Variants in CD320 observed in about 807,000 individuals in gnomAD.
CD320 encodes CD320 antigen.
Under a neutral mutation model 22.1 loss-of-function variants are expected in CD320, and 16 were observed. That is an observed-to-expected ratio of 0.73 (90% CI 0.49 to 1.10). CD320 has a LOEUF of 1.10. CD320 is among the 50% of genes least tolerant of loss of function. The pLI, the probability that CD320 is intolerant of heterozygous loss-of-function variation, is 0.00. For synonymous variants in CD320, 188 were observed against 167.8 expected (o/e 1.12, Z -0.93); for missense variants, 388 against 376.9 (o/e 1.03, Z -0.24).
intron 1 of CD320, 165 bp from the exon 2 acceptor site, chr19:8,305,321 G>C (rs895976811): frequency 1.3e-6 from 1 of 769,876 alleles, no homozygotes. Context: ...GTGGGGTTCA[G>C]AGTGTAGCAG....
chr19:8,302,839 G>A lies in CD320; in HGVS notation c.644C>T (p.Thr215Ile). 2 of 1,614,130 alleles carry A rather than the reference G, an allele frequency of 1.2e-6. No homozygotes were observed. The highest frequency in any genetic ancestry group is 8.5e-7 in the Non-Finnish European group (1 of 1,179,980). ...AGACTGGTCTCCGGCAGAGGAGGATGTGGCATTCCCGACAGAGGGGACACT... is the reference window on the plus strand; with the variant it reads ...AGACTGGTCTCCGGCAGAGGAGGATATGGCATTCCCGACAGAGGGGACACT... ...LESVPSVGNA[T>I]SSSAGDQSGS... is the part of the protein sequence containing the mutation. Residue 215 changes from threonine (T) to isoleucine (I), a missense_variant, in exon 4 of 5, where the codon ACA (threonine) becomes ATA (isoleucine). Thr to Ile is a moderately conservative substitution (Grantham distance 89). Transcript: ENST00000301458.
At position 8,308,268 on chromosome 19, in the gene CD320, T is replaced by C. The variant is rs2232775; in HGVS notation, c.23A>G (p.Gln8Arg). MSGGWMAQVGAWRTGALG... is the reference protein window; with the variant it reads MSGGWMARVGAWRTGALG... ...AGCCCCTGTTCGCCACGCTCCAACC[T>C]GCGCCATCCAACCGCCGCTCATGCT... The change falls in exon 1 of 5, where the codon CAG (glutamine) becomes CGG (arginine). Residue 8 changes from glutamine to arginine, a missense_variant. By Grantham distance (43) the Gln-to-Arg change is conservative. Transcript: ENST00000301458. 103,741 of 1,582,434 alleles carry C rather than the reference T, an allele frequency of 0.066. 9,897 individuals are homozygous for C. The highest frequency in any genetic ancestry group is 0.42 in the African/African-American group (31,513 of 74,314).
rs1970130743 is a variant in CD320 at position 8,308,356 on chromosome 19, C to G, written c.-66G>C. On this transcript the variant is annotated 5_prime_UTR_variant, in exon 1 of 5. Coordinates refer to ENST00000301458, the MANE Select transcript of CD320 (RefSeq NM_016579.4). ...GCTCTCTTATCCCTGCGCACGCGCA[C>G]GCGCGGGGTTGGGGCGGGGCCCAAG... 4.5e-6 allele frequency: 7 copies of G among 1,543,980 alleles called. No individual in the cohort carries two copies. Among genetic ancestry groups the G allele is most frequent in the Non-Finnish European group, 6.1e-6 (7 of 1,150,506 alleles).
At chr19:8,304,768 G>A (rs151099741) in intron 2 of CD320, 3 of 464,450 alleles carry the variant, frequency 6.5e-6, no homozygotes, top group East Asian at 8.6e-5. Flanking sequence ...CACAATCCTA[G>A]CTCACTGCAG....
rs1352472381 is a variant in CD320, at chr19:8,303,437, CAG to C, written c.502+416_502+417del. Among the ~76,000 whole-genome samples the C allele has an allele frequency of 2.0e-5, 3 of 150,304 alleles. No individual in the cohort carries two copies. In the East Asian group the frequency reaches 5.9e-4, roughly 29 times the overall value. ...CGGCCTTTTTTAAATTTTTTTGAGA[CAG>C]AGTTTTGCTGTCACCCAGACTGGTG... is the stretch of plus-strand genomic sequence containing the variant. On this transcript the variant is annotated intron_variant, in intron 3 of 4. Transcript: ENST00000301458.
Position 8,302,906 on chromosome 19 carries a change from G to GA in CD320, c.576dup (p.Leu193SerfsTer180), listed in dbSNP as rs753410306. The stretch of plus-strand genomic sequence containing the variant: ...GGCCCCATGGTTGTGGCATTCCTGA[G>GA]AGAGGTGACACTCTCCAGGGTCACA... On this transcript the variant is annotated frameshift_variant, in exon 4 of 5. Transcript: ENST00000301458. LOFTEE classifies it high-confidence loss of function. 1.9e-6 allele frequency: 3 copies of GA among 1,613,520 alleles called. No individual in the cohort carries two copies. The highest frequency in any genetic ancestry group is 1.3e-5 in the African/African-American group (1 of 74,862).
chr19:8,302,329 G>T lies in CD320; in HGVS notation c.*134C>A, dbSNP rs1755782910. The T allele has an allele frequency of 9.1e-7, 1 of 1,094,418 alleles. No homozygotes were observed. The highest frequency in any genetic ancestry group is 1.4e-6 in the Non-Finnish European group (1 of 718,988). 67.8% of individuals were successfully genotyped at this position (1,094,418 alleles called of 1,614,324 possible). On this transcript the variant is annotated 3_prime_UTR_variant, in exon 5 of 5. Coordinates refer to ENST00000301458, the MANE Select transcript of CD320 (RefSeq NM_016579.4). ...CCAGGGCCACTTCTGCAGGAGCTCG[G>T]GTTCGAGGTTCCACGTGGCCAGAAG...
chr19:8,302,434 T>C lies in CD320; in HGVS notation c.*29A>G, dbSNP rs768259363. On this transcript the variant is annotated 3_prime_UTR_variant, in exon 5 of 5. Coordinates refer to ENST00000301458, the MANE Select transcript of CD320 (RefSeq NM_016579.4). The stretch of plus-strand genomic sequence containing the variant: ...CCTCCTGTCCGGCTACGCCCAGGGC[T>C]GAGTGACGGTGGTGGCAAGTGCTTG... 6.2e-7 allele frequency: 1 copy of C among 1,614,006 alleles called. No homozygotes were observed. The highest frequency in any genetic ancestry group is 1.1e-5 in the South Asian group (1 of 91,082).
At position 8,305,111 on chromosome 19, in the gene CD320, G is replaced by C. The variant is rs773349068; in HGVS notation, c.188C>G (p.Thr63Ser). ...GGTGAGGGGCACGCATAAGCCACTG[G>C]TGCGGCACTGGAACTTGGTGGGTGG... ...SCPPTKFQCR[T>S]SGLCVPLTWR... The change falls in exon 2 of 5, where the codon ACC (threonine) becomes AGC (serine). Residue 63 changes from threonine (T) to serine (S), a missense_variant. Thr to Ser is a moderately conservative substitution (Grantham distance 58). Coordinates refer to ENST00000301458, the MANE Select transcript of CD320 (RefSeq NM_016579.4). 7 of 1,613,076 alleles carry C rather than the reference G, an allele frequency of 4.3e-6. No homozygotes were observed. Among genetic ancestry groups the C allele is most frequent in the Admixed American group, 3.3e-5 (2 of 59,946 alleles).
Position 8,303,114 on chromosome 19 carries a change from CTTTTTTTTTT to C in CD320, c.503-144_503-135del, listed in dbSNP as rs909856646. ...TGAAGCTGACTGCCCGTAATTATGTCTTTTTTTTTTTTTTTTTTTGGAGAGGGAGTCTGGC... is the reference window on the plus strand; with the variant it reads ...TGAAGCTGACTGCCCGTAATTATGTCTTTTTTTTTGGAGAGGGAGTCTGGC... On this transcript the variant is annotated intron_variant, in intron 3 of 4. Transcript: ENST00000301458. The C allele has an allele frequency of 1.3e-5, 7 of 520,026 alleles. No homozygotes were observed. In the African/African-American group the frequency reaches 1.4e-4, roughly 10 times the overall value. 32.2% of individuals were successfully genotyped at this position (520,026 alleles called of 1,614,324 possible).
chr19:8,308,264 A>G lies in CD320; in HGVS notation c.27T>C (p.Val9=). The G allele has an allele frequency of 1.9e-6, 3 of 1,583,626 alleles. No individual in the cohort carries two copies. Among genetic ancestry groups the G allele is most frequent in the Non-Finnish European group, 2.6e-6 (3 of 1,170,894 alleles). The change falls in exon 1 of 5, where the codon GTT becomes GTC. Residue 9 remains valine, a synonymous_variant. Transcript: ENST00000301458. ...CCAGAGCCCCTGTTCGCCACGCTCC[A>G]ACCTGCGCCATCCAACCGCCGCTCA... MSGGWMAQ[V]GAWRTGALGL...
At chr19:8,308,034 G>A in intron 1 of CD320, 115 bp downstream of exon 1, 1 of 1,062,456 alleles carries the variant, frequency 9.4e-7, no homozygotes. Flanking sequence ...TCCACGTGCT[G>A]GGGGAGTGTC....
chr19:8,305,639 G>A (rs569731813), intron 1 of CD320: 1 of 168,460 alleles, frequency 5.9e-6, no homozygotes, highest in East Asian at 1.6e-4. Context: ...CTGGGAGATG[G>A]AGGTTGCAAT....
chr19:8,305,372 C>T, intron 1 of CD320: 1 of 529,648 alleles, frequency 1.9e-6, no homozygotes. Flanking sequence ...TGCTACTGCA[C>T]TCCCCAGGTT....
chr19:8,304,337 G>T (rs8101842), intron 2 of CD320, among the ~76,000 whole-genome samples: 1 of 151,732 alleles, frequency 6.6e-6, no homozygotes. Context: ...TTGTTTGTTT[G>T]TTTCTTTCTT....
chr19:8,304,838 A>C, intron 2 of CD320, 193 bp downstream of exon 2: 1 of 589,264 alleles, frequency 1.7e-6, no homozygotes. Flanking sequence ...AAGTGCTGGG[A>C]TTGCAGGCGT....
intron 1 of CD320, 174 bp from the exon 2 acceptor site, chr19:8,305,330 A>G (rs1417374723): frequency 8.3e-5 from 60 of 725,014 alleles, no homozygotes; most frequent in Non-Finnish European, 2.9e-5. Context: ...AGAGTGTAGC[A>G]GTTCCTGGGC....
chr19:8,303,177 C>T (rs185393243), intron 3 of CD320, among the ~76,000 whole-genome samples, 197 bp from the exon 4 acceptor site: 12 of 142,400 alleles, frequency 8.4e-5, no homozygotes, highest in East Asian at 2.1e-4. Flanking sequence ...AGTGCAGTGG[C>T]GCAATATTGG....
rs566965985 is a variant in CD320, at chr19:8,306,597, C to T, written c.143-1441G>A. 6.6e-5 allele frequency among the ~76,000 whole-genome samples: 10 copies of T among 152,318 alleles called. No individual in the cohort carries two copies. The East Asian group carries it at 1.2e-3, about 18-fold the overall frequency. ...GCCTTTAACCTCTTCCACCTTTACC[C>T]ACCAGCCATGAGCCTCCAACCCCCC... is the stretch of plus-strand genomic sequence containing the variant. On this transcript the variant is annotated intron_variant, in intron 1 of 4. Transcript: ENST00000301458.
Sources: gnomAD v4.1 joint callset for allele counts (sites outside exome capture counted in the v4.1 genomes callset) on GRCh38, gnomAD v4.1.1 for gene constraint, MANE v1.5 for transcripts, NCBI Gene and HGNC (gene_info 2026-07-23, HGNC 2026-07-21) for gene names.